CUL7: variants seen among roughly 807,000 people sequenced by gnomAD.
CUL7 encodes cullin-7.
CUL7 carries 96 observed loss-of-function variants against 177.7 expected under a neutral mutation model. The ratio of observed to expected loss-of-function variants is 0.54; its 90% CI spans 0.46 to 0.64. The LOEUF is 0.64. CUL7 is among the 30% of genes least tolerant of loss of function. CUL7 has a pLI of 0.00. For synonymous variants in CUL7, 824 were observed against 890.2 expected (o/e 0.93, Z 1.32); for missense variants, 1,893 against 2,187.9 (o/e 0.87, Z 2.69).
chr6:43,050,974 A>G lies in CUL7; in HGVS notation c.1227T>C (p.Pro409=), dbSNP rs199591877. ...EFRQSNNGVP[P]VQVFWESTGR... ...ACCACCATGTGCCACTCACCTGCACAGGAGGCACACCGTTGTTGCTCTGCC... is the reference window on the plus strand; with the variant it reads ...ACCACCATGTGCCACTCACCTGCACGGGAGGCACACCGTTGTTGCTCTGCC... The change falls in exon 4 of 26, where the codon CCT becomes CCC. Residue 409 remains proline (P), a synonymous_variant. Transcript: ENST00000265348. The surrounding 1 kb of genome is among the most constrained non-coding windows in gnomAD (Gnocchi z 4.1). 1 of 1,614,056 alleles carries G rather than the reference A, an allele frequency of 6.2e-7. No individual in the cohort carries two copies. Among genetic ancestry groups the G allele is most frequent in the Non-Finnish European group, 8.5e-7 (1 of 1,180,010 alleles).
chr6:43,040,952 C>T lies in CUL7; in HGVS notation c.3769G>A (p.Gly1257Ser), dbSNP rs769005642. 19 of 1,613,314 alleles carry T rather than the reference C, an allele frequency of 1.2e-5. No homozygotes were observed. The highest frequency in any genetic ancestry group is 1.7e-4 in the Middle Eastern group (1 of 6,060). ...QCLQAVLIFS[G>S]LEIATTFEHY... ...TCAAAAGTGGTGGCTATCTCCAAGC[C>T]GGAGAAAATCAGGACAGCTTGCAGG... Residue 1257 changes from glycine to serine, a missense_variant, in exon 20 of 26, where the codon GGC becomes AGC. This residue lies in a region of CUL7 where 973 missense variants were observed against 1,140.9 expected (regional missense o/e 0.85). Transcript: ENST00000265348. This position sits in a 1 kb window ranked among gnomAD's most constrained non-coding sequence, Gnocchi z 4.2.
Position 43,042,899 on chromosome 6 carries a change from C to A in CUL7, c.3548G>T (p.Ser1183Ile), listed in dbSNP as rs138726142. The A allele has an allele frequency of 1.7e-5, 28 of 1,614,152 alleles. No individual in the cohort carries two copies. In the African/African-American group the frequency reaches 3.3e-4, roughly 19 times the overall value. Reference protein sequence around the residue: ...CEHFNILQNSSSELFGPRAAF... With the variant: ...CEHFNILQNSISELFGPRAAF... Reference sequence around the variant, plus strand: ...TGCCCGAGGCCCAAACAGTTCAGAGCTTGAGTTCTGCAGAATATTAAAGTG... The same window carrying A: ...TGCCCGAGGCCCAAACAGTTCAGAGATTGAGTTCTGCAGAATATTAAAGTG... The change falls in exon 19 of 26, where the codon AGC becomes ATC. Residue 1183 changes from serine (S) to isoleucine (I), a missense_variant. Physicochemically the swap from Ser to Ile is moderately radical, Grantham distance 142. Around this residue, in one of 5 missense-constraint regions of CUL7, gnomAD observed 973 missense variants for 1,140.9 expected, o/e 0.85. Transcript: ENST00000265348.
At chr6:43,042,003 C>CAAAAA (rs201127168) in intron 19 of CUL7, among the ~76,000 whole-genome samples, 1 of 53,550 alleles carries the variant, frequency 1.9e-5, no homozygotes, top group Non-Finnish European at 4.3e-5. Flanking sequence ...GACTCCGTCT[C>CAAAAA]AAAAAAAAAA....
Position 43,040,682 on chromosome 6 carries a change from G to A in CUL7, c.3871C>T (p.Gln1291Ter). 1 of 1,614,190 alleles carries A rather than the reference G, an allele frequency of 6.2e-7. No homozygotes were observed. The highest frequency in any genetic ancestry group is 2.2e-5 in the East Asian group (1 of 44,880). The change falls in exon 21 of 26, where the codon CAG (glutamine) becomes TAG (stop). Residue 1291 changes from glutamine (Q) to a stop codon, truncating the protein, a stop_gained. Transcript: ENST00000265348. LOFTEE classifies it high-confidence loss of function. This position sits in a 1 kb window ranked among gnomAD's most constrained non-coding sequence, Gnocchi z 4.2. ...CGGTTGGGGAAGCAGGGACCGATCT[G>A]CTCCAGCACGGCCCCCTCCAGCCAG... ...SSWLEGAVLE[Q>*]IGPCFPNRLP...
intron 8 of CUL7, 24 bp from the exon 9 acceptor site, chr6:43,048,277 C>T: frequency 6.2e-7 from 1 of 1,600,222 alleles, no homozygotes; most frequent in Non-Finnish European, 8.6e-7. Flanking sequence ...AATGTGTAGC[C>T]AGCCTCATGG....
chr6:43,050,324 G>T lies in CUL7; in HGVS notation c.1308C>A (p.Asp436Glu), dbSNP rs1485135277. 2 of 1,614,120 alleles carry T rather than the reference G, an allele frequency of 1.2e-6. No homozygotes were observed. The highest frequency in any genetic ancestry group is 1.7e-5 in the Admixed American group (1 of 60,000). Residue 436 changes from aspartate to glutamate, a missense_variant, in exon 5 of 26, where the codon GAC becomes GAA. Asp to Glu is a conservative substitution (Grantham distance 45). This residue lies in a region of CUL7 where 653 missense variants were observed against 725.2 expected (regional missense o/e 0.90). Coordinates refer to ENST00000265348, the MANE Select transcript of CUL7 (RefSeq NM_014780.5). The surrounding 1 kb of genome is among the most constrained non-coding windows in gnomAD (Gnocchi z 4.1). ...HMLEILGFEE[D>E]IEDMVEADEY... ...CATCAGCCTCAACCATGTCCTCAAT[G>T]TCTTCCTCAAAGCCCAAGATCTCCA...
chr6:43,050,298 T>A lies in CUL7; in HGVS notation c.1334A>T (p.Glu445Val). The A allele has an allele frequency of 6.2e-7, 1 of 1,614,168 alleles. No homozygotes were observed. ...EDIEDMVEAD[E>V]YQGAVASRVL... ...TCTACTGGCCACTGCCCCTTGGTAC[T>A]CATCAGCCTCAACCATGTCCTCAAT... The change falls in exon 5 of 26, where the codon GAG becomes GTG. Residue 445 changes from glutamate to valine, a missense_variant. Physicochemically the swap from Glu to Val is moderately radical, Grantham distance 121 (BLOSUM62 -2). Coordinates refer to ENST00000265348, the MANE Select transcript of CUL7 (RefSeq NM_014780.5). The surrounding 1 kb of genome is among the most constrained non-coding windows in gnomAD (Gnocchi z 4.1).
Position 43,043,545 on chromosome 6 carries a change from G to A in CUL7, c.3258C>T (p.Gly1086=), listed in dbSNP as rs1410358690. 6.2e-7 allele frequency: 1 copy of A among 1,614,032 alleles called. No homozygotes were observed. Among genetic ancestry groups the A allele is most frequent in the Admixed American group, 1.7e-5 (1 of 60,006 alleles). The change falls in exon 17 of 26, where the codon GGC becomes GGT. Residue 1086 remains glycine, a synonymous_variant. Coordinates refer to ENST00000265348, the MANE Select transcript of CUL7 (RefSeq NM_014780.5). This position sits in a 1 kb window ranked among gnomAD's most constrained non-coding sequence, Gnocchi z 4.2. ...GGCGCACCCGCGAGAAGAAAGCTGG[G>A]CCGCGGCTCTGGGGGTTGAAGACAG... ...QEAVFNPQSR[G]PAFFSRVRRL...
chr6:43,047,126 G>A lies in CUL7; in HGVS notation c.2170-19C>T, dbSNP rs1561887341. 6.8e-7 allele frequency: 1 copy of A among 1,469,882 alleles called. No homozygotes were observed. The highest frequency in any genetic ancestry group is 1.4e-5 in the African/African-American group (1 of 72,188). The allele number at this position is 1,469,882 out of a possible 1,614,324, so 91.1% of individuals were successfully genotyped here. A position where few individuals can be genotyped will look rare whatever the true frequency, so the allele number is the denominator to read the frequency against. On this transcript the variant is annotated intron_variant, in intron 9 of 25. Coordinates refer to ENST00000265348, the MANE Select transcript of CUL7 (RefSeq NM_014780.5). Reference sequence around the variant, plus strand: ...GGAGCACCTGGGTGGGGACATAAGGGAGGAGATGAATGAAGACAGGGCGAG... The same window carrying A: ...GGAGCACCTGGGTGGGGACATAAGGAAGGAGATGAATGAAGACAGGGCGAG...
At position 43,050,190 on chromosome 6, in the gene CUL7, G is replaced by A; in HGVS notation, c.1373-31C>T. 1 of 1,614,176 alleles carries A rather than the reference G, an allele frequency of 6.2e-7. No individual in the cohort carries two copies. Among genetic ancestry groups the A allele is most frequent in the Non-Finnish European group, 8.5e-7 (1 of 1,180,040 alleles). ...AAAATGGGCCAAGGGGCACAAGGATGTCACTAGCAACTCAGCAGGACCACC... is the reference window on the plus strand; with the variant it reads ...AAAATGGGCCAAGGGGCACAAGGATATCACTAGCAACTCAGCAGGACCACC... On this transcript the variant is annotated intron_variant, in intron 5 of 25. Coordinates refer to ENST00000265348, the MANE Select transcript of CUL7 (RefSeq NM_014780.5). This position sits in a 1 kb window ranked among gnomAD's most constrained non-coding sequence, Gnocchi z 4.1.
Position 43,043,443 on chromosome 6 carries a change from C to T in CUL7, c.3355+5G>A, listed in dbSNP as rs769345522. ...GAGCTCCCCACCTGAATCTCCACTACTCACTGGGCCGAGGAGTGGCCACCA... is the reference window on the plus strand; with the variant it reads ...GAGCTCCCCACCTGAATCTCCACTATTCACTGGGCCGAGGAGTGGCCACCA... On this transcript the variant is annotated splice_donor_5th_base_variant and intron_variant, in intron 17 of 25. Coordinates refer to ENST00000265348, the MANE Select transcript of CUL7 (RefSeq NM_014780.5). This position sits in a 1 kb window ranked among gnomAD's most constrained non-coding sequence, Gnocchi z 4.2. 1.9e-6 allele frequency: 3 copies of T among 1,613,674 alleles called. No homozygotes were observed. The highest frequency in any genetic ancestry group is 2.2e-5 in the South Asian group (2 of 91,056).
Position 43,051,601 on chromosome 6 carries a change from C to A in CUL7, c.732+11G>T. On this transcript the variant is annotated intron_variant, in intron 3 of 25. Coordinates refer to ENST00000265348, the MANE Select transcript of CUL7 (RefSeq NM_014780.5). The surrounding 1 kb of genome is among the most constrained non-coding windows in gnomAD (Gnocchi z 5.0). ...CACAAGTTCCCCCCACCTTACACCC[C>A]CAAAGGTTACCTGTGGTAGCTGAAT... The A allele has an allele frequency of 2.5e-6, 4 of 1,614,158 alleles. No homozygotes were observed. The highest frequency in any genetic ancestry group is 3.4e-6 in the Non-Finnish European group (4 of 1,180,040).
rs539976051 is a variant in CUL7, at chr6:43,046,695, T to C, written c.2398-94A>G. On this transcript the variant is annotated intron_variant, in intron 10 of 25. Transcript: ENST00000265348. ...GGATGAAGGAGAGACCATGCAGCAG[T>C]GGGACTTCCTCTACAGCACCAGCAG... 10 of 1,553,788 alleles carry C rather than the reference T, an allele frequency of 6.4e-6. No homozygotes were observed. In the East Asian group the frequency reaches 1.1e-4, roughly 18 times the overall value.
At position 43,045,726 on chromosome 6, in the gene CUL7, CCAAGTTGGCTCTA is replaced by C; in HGVS notation, c.2767-57_2767-45del. The C allele has an allele frequency of 6.2e-7, 1 of 1,601,830 alleles. No individual in the cohort carries two copies. The highest frequency in any genetic ancestry group is 1.3e-5 in the African/African-American group (1 of 74,754). Reference sequence around the variant, plus strand: ...AGCTGTCACCTCCACACATGCAGAGCCAAGTTGGCTCTAGGCTCCAGTCCCCTCACTGTTTCCC... The same window carrying C: ...AGCTGTCACCTCCACACATGCAGAGCGGCTCCAGTCCCCTCACTGTTTCCC... On this transcript the variant is annotated intron_variant, in intron 13 of 25. Transcript: ENST00000265348. This position sits in a 1 kb window ranked among gnomAD's most constrained non-coding sequence, Gnocchi z 4.8.
chr6:43,048,321 C>T lies in CUL7; in HGVS notation c.2063+11G>A. 6.3e-7 allele frequency: 1 copy of T among 1,598,976 alleles called. No individual in the cohort carries two copies. Among genetic ancestry groups the T allele is most frequent in the Non-Finnish European group, 8.6e-7 (1 of 1,166,098 alleles). ...TGCCCTCAGAGATCCCACCTGTCAC[C>T]ATGCTCTCACCTCAGCACAGTCAGG... On this transcript the variant is annotated intron_variant, in intron 8 of 25. Coordinates refer to ENST00000265348, the MANE Select transcript of CUL7 (RefSeq NM_014780.5).
chr6:43,040,729 C>T lies in CUL7; in HGVS notation c.3824G>A (p.Arg1275His), dbSNP rs1561875224. The change falls in exon 21 of 26, where the codon CGT becomes CAT. Residue 1275 changes from arginine (R) to histidine (H), a missense_variant. Physicochemically the swap from Arg to His is conservative, Grantham distance 29 (BLOSUM62 0). Around this residue, in one of 5 missense-constraint regions of CUL7, gnomAD observed 973 missense variants for 1,140.9 expected, o/e 0.85. Transcript: ENST00000265348. This position sits in a 1 kb window ranked among gnomAD's most constrained non-coding sequence, Gnocchi z 4.2. ...CCAGCTCGAGACCACGCCCAGGAGA[C>T]GGTCCGCCATGTAGTGCCTGCAGTG... ...EHYYQHYMAD[R>H]LLGVVSSWLE... 3.7e-6 allele frequency: 6 copies of T among 1,614,106 alleles called. No homozygotes were observed. The highest frequency in any genetic ancestry group is 5.1e-6 in the Non-Finnish European group (6 of 1,180,026).
At position 43,040,193 on chromosome 6, in the gene CUL7, C is replaced by T; in HGVS notation, c.4257G>A (p.Arg1419=). The T allele has an allele frequency of 6.2e-7, 1 of 1,614,142 alleles. No individual in the cohort carries two copies. The highest frequency in any genetic ancestry group is 8.5e-7 in the Non-Finnish European group (1 of 1,180,028). The change falls in exon 22 of 26, where the codon AGG becomes AGA. Residue 1419 remains arginine (R), a synonymous_variant. Coordinates refer to ENST00000265348, the MANE Select transcript of CUL7 (RefSeq NM_014780.5). This position sits in a 1 kb window ranked among gnomAD's most constrained non-coding sequence, Gnocchi z 4.2. ...AGTTGGAGTATCTGTTCAAAGTGCC[C>T]CTCAGGTAGGAGGGCAGGCAGGTTC... ...NPRTCLPSYL[R]GTLNRYSNFY...
In CUL7 at chr6:43,052,891, G is replaced by A; in HGVS notation, c.-8-95C>T. On this transcript the variant is annotated intron_variant, in intron 1 of 25. Transcript: ENST00000265348. The surrounding 1 kb of genome is among the most constrained non-coding windows in gnomAD (Gnocchi z 4.5). ...GGAGGTGGGGAAGCAAATGGCAACA[G>A]CTGTCAGGCGGGGTGGGGTAAAGCC... is the stretch of plus-strand genomic sequence containing the variant. The A allele has an allele frequency of 7.5e-7, 1 of 1,330,828 alleles. No individual in the cohort carries two copies. The highest frequency in any genetic ancestry group is 1.0e-6 in the Non-Finnish European group (1 of 960,926). The allele number at this position is 1,330,828 out of a possible 1,614,324, so 82.4% of individuals were successfully genotyped here. A position where few individuals can be genotyped will look rare whatever the true frequency, so the allele number is the denominator to read the frequency against.
Position 43,043,429 on chromosome 6 carries a change from C to T in CUL7, c.3355+19G>A. Reference sequence around the variant, plus strand: ...AACGCTCCTGACTAGAGCTCCCCACCTGAATCTCCACTACTCACTGGGCCG... The same window carrying T: ...AACGCTCCTGACTAGAGCTCCCCACTTGAATCTCCACTACTCACTGGGCCG... On this transcript the variant is annotated intron_variant, in intron 17 of 25. Transcript: ENST00000265348. The surrounding 1 kb of genome is among the most constrained non-coding windows in gnomAD (Gnocchi z 4.2). The T allele has an allele frequency of 6.2e-7, 1 of 1,613,038 alleles. No homozygotes were observed. Among genetic ancestry groups the T allele is most frequent in the Non-Finnish European group, 8.5e-7 (1 of 1,179,514 alleles).
Sources: allele counts gnomAD v4.1 joint callset (sites outside exome capture counted in the v4.1 genomes callset), GRCh38; gene constraint gnomAD v4.1.1; regional missense constraint gnomAD v4.1.1; non-coding constraint Gnocchi (gnomAD v3.1); transcripts MANE v1.5; gene names NCBI Gene and HGNC (gene_info 2026-07-23, HGNC 2026-07-21).